The following DLG4 variants were observed in gnomAD, a reference collection of about 807,000 sequenced individuals.
The protein encoded by DLG4 is discs large MAGUK scaffold protein 4, also known as disks large homolog 4.
Under a neutral mutation model 93.8 loss-of-function variants are expected in DLG4, and 7 were observed. The observed-to-expected ratio is 0.07, with a 90% CI of 0.04 to 0.14. DLG4 has a LOEUF of 0.14. DLG4 is among the 10% of genes least tolerant of loss of function. The pLI, the probability that DLG4 is intolerant of heterozygous loss-of-function variation, is 1.00. For missense variants in DLG4, 545 were observed against 992.9 expected (o/e 0.55, Z 6.06); for synonymous variants, 341 against 387.6 (o/e 0.88, Z 1.41).
At chr17:7,210,352 A>T (rs570347842) in intron 1 of DLG4, among the ~76,000 whole-genome samples, 1 of 152,212 alleles carries the variant, frequency 6.6e-6, no homozygotes, top group Non-Finnish European at 1.5e-5. Flanking sequence ...ACCCTGATAC[A>T]TTTAAAGAGT....
chr17:7,215,630 C>T (rs1462621341), intron 1 of DLG4, among the ~76,000 whole-genome samples: 2 of 152,208 alleles, frequency 1.3e-5, no homozygotes, highest in African/African-American at 4.8e-5. Flanking sequence ...AAGCCCGAAA[C>T]CCACAGAATG....
upstream of DLG4, chr17:7,219,880 T>C (rs1206937034): frequency 2.6e-6 from 4 of 1,541,486 alleles, no homozygotes; most frequent in African/African-American, 2.7e-5. Flanking sequence ...CGCCGCCCGG[T>C]GCACTGTGGA....
At chr17:7,214,055 C>T (rs1369496062) in intron 1 of DLG4, 1 of 347,084 alleles carries the variant, frequency 2.9e-6, no homozygotes, top group African/African-American at 2.1e-5. Context: ...TTCCGTTTCT[C>T]TGTTGCCTGG....
At chr17:7,213,408 C>A (rs1430041744) in intron 1 of DLG4, among the ~76,000 whole-genome samples, 1 of 152,076 alleles carries the variant, frequency 6.6e-6, no homozygotes, top group Non-Finnish European at 1.5e-5. Context: ...CACCTCCTCT[C>A]CTTTTCTTTA....
At chr17:7,213,106 T>G (rs1016047236) in intron 1 of DLG4, among the ~76,000 whole-genome samples, 2 of 147,196 alleles carry the variant, frequency 1.4e-5, no homozygotes, top group African/African-American at 5.0e-5. Context: ...TTTTTTTTTT[T>G]TTTTTTTTTG....
chr17:7,196,307 T>C lies in DLG4; in HGVS notation c.1214A>G (p.His405Arg). The C allele has an allele frequency of 6.2e-7, 1 of 1,613,976 alleles. No individual in the cohort carries two copies. The highest frequency in any genetic ancestry group is 8.5e-7 in the Non-Finnish European group (1 of 1,179,870). The change falls in exon 11 of 20, where the codon CAC becomes CGC. Residue 405 changes from histidine to arginine, a missense_variant. Coordinates refer to ENST00000399506, the MANE Select transcript of DLG4 (RefSeq NM_001321075.3). This position sits in a 1 kb window ranked among gnomAD's most constrained non-coding sequence, Gnocchi z 8.3. ...EEYSRFEAKIHDLREQLMNSS... is the reference protein window; with the variant it reads ...EEYSRFEAKIRDLREQLMNSS... ...GTTCATGAGCTGTTCCCGAAGGTCG[T>C]GGATCTTGGCCTCGAATCGGCTGTA...
Position 7,189,468 on chromosome 17 carries a change from G to A in DLG4, c.*1240C>T, listed in dbSNP as rs549385346. Among the ~76,000 whole-genome samples the A allele has an allele frequency of 9.9e-5, 15 of 150,764 alleles. No individual in the cohort carries two copies. Among genetic ancestry groups the A allele is most frequent in the South Asian group, 2.1e-4 (1 of 4,804 alleles). On this transcript the variant is annotated 3_prime_UTR_variant, in exon 20 of 20. Coordinates refer to ENST00000399506, the MANE Select transcript of DLG4 (RefSeq NM_001321075.3). The stretch of plus-strand genomic sequence containing the variant: ...CGAGCCACTGCACTCCAGCCTGTGC[G>A]ACAGAGCAAGACTCTGTCTCAAAAA...
chr17:7,202,804 A>G, intron 8 of DLG4, 99 bp downstream of exon 8: 2 of 1,455,382 alleles, frequency 1.4e-6, no homozygotes, highest in Non-Finnish European at 1.9e-6. Context: ...TTCATAGGGA[A>G]TATCTGAAGA....
intron 1 of DLG4, among the ~76,000 whole-genome samples, chr17:7,216,018 G>A (rs1303421750): frequency 6.6e-6 from 1 of 151,298 alleles, no homozygotes; most frequent in Non-Finnish European, 1.5e-5. Flanking sequence ...GCTCGCCTGT[G>A]CTCCATCCGA....
At chr17:7,192,300 G>A (rs938610693) in intron 17 of DLG4, 16 of 385,874 alleles carry the variant, frequency 4.1e-5, no homozygotes, top group African/African-American at 1.5e-4. Context: ...TGGCAGAGCC[G>A]GGGCAGCAGC....
In DLG4 at chr17:7,208,320, C is replaced by T. The variant is rs2070573459; in HGVS notation, c.31-81G>A. ...CTGGCCGCCCTGGCCGCCGCCTCTT[C>T]CCCCAGCCAGTGCAGTGCGGAAGGC... On this transcript the variant is annotated intron_variant, in intron 1 of 19. Transcript: ENST00000399506. This position sits in a 1 kb window ranked among gnomAD's most constrained non-coding sequence, Gnocchi z 5.4. 2 of 1,234,928 alleles carry T rather than the reference C, an allele frequency of 1.6e-6. No homozygotes were observed. Among genetic ancestry groups the T allele is most frequent in the Middle Eastern group, 2.6e-4 (1 of 3,842 alleles). 76.5% of individuals were successfully genotyped at this position (1,234,928 alleles called of 1,614,324 possible).
chr17:7,218,236 C>T, upstream of DLG4: 6 of 1,608,490 alleles, frequency 3.7e-6, no homozygotes, highest in Non-Finnish European at 5.1e-6. Flanking sequence ...CCCCCACCTC[C>T]TTACCTGACT....
At position 7,191,937 on chromosome 17, in the gene DLG4, G is replaced by A. The variant is rs1465789698; in HGVS notation, c.1932C>T (p.His644=). The change falls in exon 18 of 20, where the codon CAC becomes CAT. Residue 644 remains histidine (H), a synonymous_variant. Coordinates refer to ENST00000399506, the MANE Select transcript of DLG4 (RefSeq NM_001321075.3). This position sits in a 1 kb window ranked among gnomAD's most constrained non-coding sequence, Gnocchi z 6.6. ...AVRRLQAAHL[H]PIAIFIRPRS... ...GGGGGCGGATGAAGATGGCGATGGGGTGCAGGTGGGCCGCCTGCAGCCGCC... is the reference window on the plus strand; with the variant it reads ...GGGGGCGGATGAAGATGGCGATGGGATGCAGGTGGGCCGCCTGCAGCCGCC... 8 of 1,499,890 alleles carry A rather than the reference G, an allele frequency of 5.3e-6. No homozygotes were observed. The highest frequency in any genetic ancestry group is 4.5e-6 in the Non-Finnish European group (5 of 1,121,554). The allele number at this position is 1,499,890 out of a possible 1,614,324, so 92.9% of individuals were successfully genotyped here. A position where few individuals can be genotyped will look rare whatever the true frequency, so the allele number is the denominator to read the frequency against.
chr17:7,201,651 A>T (rs761430115), intron 8 of DLG4, among the ~76,000 whole-genome samples: 23 of 152,050 alleles, frequency 1.5e-4, no homozygotes, highest in Non-Finnish European at 2.6e-4. Context: ...GAGGCCGAGG[A>T]GGGCAGATCA....
upstream of DLG4, chr17:7,218,463 C>A: frequency 6.8e-7 from 1 of 1,460,820 alleles, no homozygotes; most frequent in Non-Finnish European, 9.4e-7. Context: ...ACCAAATGAT[C>A]TCTGGGCTCC....
rs1232424940 is a variant in DLG4 at position 7,193,888 on chromosome 17, G to A, written c.1516-17C>T. 6.2e-7 allele frequency: 1 copy of A among 1,612,314 alleles called. No individual in the cohort carries two copies. The highest frequency in any genetic ancestry group is 8.5e-7 in the Non-Finnish European group (1 of 1,179,268). The stretch of plus-strand genomic sequence containing the variant: ...GCCCCAGTCCTAAGAAGAAAAAGCA[G>A]GCCACGGGGTTAGTTATGAGCTCAG... On this transcript the variant is annotated splice_polypyrimidine_tract_variant and intron_variant, in intron 13 of 19. Transcript: ENST00000399506. This position sits in a 1 kb window ranked among gnomAD's most constrained non-coding sequence, Gnocchi z 6.7.
Position 7,203,820 on chromosome 17 carries a change from G to A in DLG4, c.211-4C>T, listed in dbSNP as rs199835876. The A allele has an allele frequency of 2.5e-5, 40 of 1,613,608 alleles. 1 individual carries two copies. In the African/African-American group the frequency reaches 4.4e-4, roughly 18 times the overall value. On this transcript the variant is annotated splice_region_variant and splice_polypyrimidine_tract_variant and intron_variant, in intron 4 of 19. Coordinates refer to ENST00000399506, the MANE Select transcript of DLG4 (RefSeq NM_001321075.3). The surrounding 1 kb of genome is among the most constrained non-coding windows in gnomAD (Gnocchi z 7.2). ...TGAAGCCCAGACCTGAGTTACCCTG[G>A]GTGAAGGAGGGGAAGAGGGTCAGCT...
At position 7,196,197 on chromosome 17, in the gene DLG4, G is replaced by A. The variant is rs201282321; in HGVS notation, c.1301+23C>T. The A allele has an allele frequency of 1.3e-5, 20 of 1,577,938 alleles. No individual in the cohort carries two copies. In the Admixed American group the frequency reaches 1.7e-4, roughly 13 times the overall value. On this transcript the variant is annotated intron_variant, in intron 11 of 19. Coordinates refer to ENST00000399506, the MANE Select transcript of DLG4 (RefSeq NM_001321075.3). This position sits in a 1 kb window ranked among gnomAD's most constrained non-coding sequence, Gnocchi z 8.3. ...CCCAGGAACGCAGAGGGGCTGAGGA[G>A]TCCAGCCCGGGAAGCCTCTGACCTG...
chr17:7,191,393 G>A lies in DLG4; in HGVS notation c.1977-35C>T. On this transcript the variant is annotated intron_variant, in intron 18 of 19. Coordinates refer to ENST00000399506, the MANE Select transcript of DLG4 (RefSeq NM_001321075.3). This position sits in a 1 kb window ranked among gnomAD's most constrained non-coding sequence, Gnocchi z 6.6. ...GGGAGGGAGAGCAGGCCTGAGACTG[G>A]ACCCACCTGACCCTGCCTTTTATCT... 2 of 1,526,906 alleles carry A rather than the reference G, an allele frequency of 1.3e-6. No individual in the cohort carries two copies. Among genetic ancestry groups the A allele is most frequent in the South Asian group, 1.1e-5 (1 of 89,156 alleles). The allele number at this position is 1,526,906 out of a possible 1,614,324, so 94.6% of individuals were successfully genotyped here.
Sources: gnomAD v4.1 joint callset for allele counts (sites outside exome capture counted in the v4.1 genomes callset) on GRCh38, gnomAD v4.1.1 for gene constraint, Gnocchi (gnomAD v3.1) non-coding constraint, MANE v1.5 for transcripts, NCBI Gene and HGNC (gene_info 2026-07-23, HGNC 2026-07-21) for gene names.